The following NELL1 variants were observed in gnomAD, a reference collection of about 807,000 sequenced individuals.
NELL1 encodes neural EGFL like 1.
In NELL1, 76 loss-of-function variants were observed where a neutral mutation model predicts 107.4. The observed-to-expected ratio is 0.71, with a 90% CI of 0.59 to 0.86. NELL1 has a LOEUF of 0.86. NELL1 is among the 40% of genes least tolerant of loss of function. The probability of loss-of-function intolerance (pLI) is 0.00; values close to 1 mark genes in which losing one functional copy is unlikely to be tolerated. For missense variants in NELL1, 1,024 were observed against 1,005.5 expected (o/e 1.02, Z -0.25); for synonymous variants, 353 against 341.2 (o/e 1.03, Z -0.38).
intron 3 of NELL1, among the ~76,000 whole-genome samples, chr11:20,843,583 T>A (rs1848655254): frequency 6.8e-6 from 1 of 147,284 alleles, no homozygotes; most frequent in South Asian, 2.1e-4. Context: ...ATAATATATT[T>A]TATATATTAT....
chr11:21,427,648 A>G (rs898177029), intron 15 of NELL1, among the ~76,000 whole-genome samples: 4 of 152,204 alleles, frequency 2.6e-5, no homozygotes, highest in African/African-American at 9.6e-5. Flanking sequence ...AGGTGATAAG[A>G]TAGCTTGAAC....
intron 10 of NELL1, among the ~76,000 whole-genome samples, chr11:20,938,908 G>GTCTCTGTCTCTC (rs1554947414): frequency 6.9e-6 from 1 of 144,540 alleles, no homozygotes; most frequent in African/African-American, 2.6e-5. Context: ...TTCTCTCTCT[G>GTCTCTGTCTCTC]TCTCTCTCTC....
intron 16 of NELL1, among the ~76,000 whole-genome samples, chr11:21,536,053 T>A (rs1335556087): frequency 1.3e-5 from 2 of 152,166 alleles, no homozygotes; most frequent in African/African-American, 4.8e-5. Flanking sequence ...ACTCTTAGAT[T>A]TTTTAGTGCA....
rs1015017884 is a variant in NELL1, at chr11:21,153,932, A to G, written c.1426+40218A>G. 4.8e-4 allele frequency among the ~76,000 whole-genome samples: 73 copies of G among 152,298 alleles called. 1 individual carries two copies. Among genetic ancestry groups the G allele is most frequent in the African/African-American group, 1.7e-3 (70 of 41,578 alleles). On this transcript the variant is annotated intron_variant, in intron 13 of 19. Coordinates refer to ENST00000357134, the MANE Select transcript of NELL1 (RefSeq NM_006157.5). ...CTATTCCCAACCCCTGGAGACAGCCATTGATTAATTGAGGTTTTTAAAATC... is the reference window on the plus strand; with the variant it reads ...CTATTCCCAACCCCTGGAGACAGCCGTTGATTAATTGAGGTTTTTAAAATC...
chr11:20,785,772 C>G (rs11025762), intron 3 of NELL1, among the ~76,000 whole-genome samples: 43,569 of 152,000 alleles, frequency 0.29, 7,035 homozygotes, highest in African/African-American at 0.43. Context: ...CCGGGCTGCT[C>G]TAAGGAAGAA....
chr11:20,840,790 G>T (rs1848607252), intron 3 of NELL1, among the ~76,000 whole-genome samples: 1 of 152,194 alleles, frequency 6.6e-6, no homozygotes. Flanking sequence ...ACCTTTCAAG[G>T]TAAGGAATGT....
rs114266189 is a variant in NELL1 at position 20,856,416 on chromosome 11, A to G, written c.506+8663A>G. On this transcript the variant is annotated intron_variant, in intron 4 of 19. Transcript: ENST00000357134. The stretch of plus-strand genomic sequence containing the variant: ...GCCATGTCGCATCCCTACTCATTAG[A>G]GTCTATTAGTCTGAGGGTGTCACTT... Among the ~76,000 whole-genome samples the G allele has an allele frequency of 8.8e-3, 1,344 of 152,300 alleles. 22 individuals carry two copies. Among genetic ancestry groups the G allele is most frequent in the African/African-American group, 0.031 (1,269 of 41,562 alleles).
chr11:21,161,527 A>T lies in NELL1; in HGVS notation c.1426+47813A>T, dbSNP rs192535362. 3.5e-3 allele frequency among the ~76,000 whole-genome samples: 540 copies of T among 152,262 alleles called. 1 individual carries two copies. The highest frequency in any genetic ancestry group is 0.012 in the African/African-American group (500 of 41,564). Reference sequence around the variant, plus strand: ...ATTCCAGCCTGGGTGACAGAATGAGATTCTGTCTCAAAAAATAAATAAAAA... The same window carrying T: ...ATTCCAGCCTGGGTGACAGAATGAGTTTCTGTCTCAAAAAATAAATAAAAA... On this transcript the variant is annotated intron_variant, in intron 13 of 19. Transcript: ENST00000357134.
chr11:20,675,121 G>A (rs1186658396), intron 1 of NELL1, among the ~76,000 whole-genome samples: 2 of 152,164 alleles, frequency 1.3e-5, no homozygotes, highest in Non-Finnish European at 2.9e-5. Flanking sequence ...TTATCATGAT[G>A]TGGAAGTAGA....
intron 15 of NELL1, among the ~76,000 whole-genome samples, chr11:21,380,850 A>G (rs1444857167): frequency 6.6e-6 from 1 of 152,078 alleles, no homozygotes; most frequent in Non-Finnish European, 1.5e-5. Flanking sequence ...GCAGTCTAGT[A>G]TACTGAAAAG....
intron 13 of NELL1, among the ~76,000 whole-genome samples, chr11:21,158,981 A>C (rs1856304132): frequency 6.6e-6 from 1 of 152,064 alleles, no homozygotes; most frequent in Non-Finnish European, 1.5e-5. Context: ...TTTTTCTGCT[A>C]TTTAATATAG....
At chr11:20,965,119 C>T (rs1232982203) in intron 12 of NELL1, among the ~76,000 whole-genome samples, 1 of 152,102 alleles carries the variant, frequency 6.6e-6, no homozygotes, top group Non-Finnish European at 1.5e-5. Flanking sequence ...ATAGAGCAAG[C>T]ATTGAGAGTT....
chr11:21,522,842 T>C (rs551369083), intron 15 of NELL1, among the ~76,000 whole-genome samples: 1,317 of 127,514 alleles, frequency 0.01, 35 homozygotes, highest in East Asian at 0.073. Context: ...TTCTTTTTTT[T>C]TTTTTTTTTT....
intron 1 of NELL1, among the ~76,000 whole-genome samples, chr11:20,676,919 G>A (rs1854073167): frequency 6.6e-6 from 1 of 151,682 alleles, no homozygotes. Context: ...CTTTATGAAT[G>A]GCTTAAACAT....
chr11:21,328,685 C>T (rs917339963), intron 14 of NELL1, among the ~76,000 whole-genome samples: 4 of 152,156 alleles, frequency 2.6e-5, no homozygotes, highest in Non-Finnish European at 5.9e-5. Flanking sequence ...AGGAGGGGAG[C>T]TATACCCTGC....
chr11:20,938,758 A>C (rs1330621334), intron 10 of NELL1, among the ~76,000 whole-genome samples: 5 of 152,168 alleles, frequency 3.3e-5, no homozygotes, highest in Non-Finnish European at 7.4e-5. Flanking sequence ...GGACCTGCAA[A>C]TAATTTGACT....
intron 12 of NELL1, among the ~76,000 whole-genome samples, chr11:20,967,796 TCC>T (rs1172709119): frequency 6.6e-6 from 1 of 152,150 alleles, no homozygotes; most frequent in East Asian, 1.9e-4. Flanking sequence ...TATGCTACTC[TCC>T]TGTTGAAATT....
intron 15 of NELL1, among the ~76,000 whole-genome samples, chr11:21,435,490 TTTTTTGTTTTTTG>T (rs1853086002): frequency 7.8e-6 from 1 of 128,482 alleles, no homozygotes; most frequent in Non-Finnish European, 1.7e-5. Flanking sequence ...TCGTTTTTTG[TTTTTTGTTTTTTG>T]TTTTTTTTTA....
intron 15 of NELL1, among the ~76,000 whole-genome samples, chr11:21,462,376 A>G (rs1480079213): frequency 6.6e-6 from 1 of 152,092 alleles, no homozygotes; most frequent in Non-Finnish European, 1.5e-5. Flanking sequence ...TTTAAATGCA[A>G]TGTCCTATTT....
Sources: gnomAD v4.1 joint callset for allele counts (sites outside exome capture counted in the v4.1 genomes callset) on GRCh38, gnomAD v4.1.1 for gene constraint, MANE v1.5 for transcripts, NCBI Gene and HGNC (gene_info 2026-07-23, HGNC 2026-07-21) for gene names.